PCDHA4: variants seen among roughly 807,000 people sequenced by gnomAD.
The protein encoded by PCDHA4 is protocadherin alpha-4.
Under a neutral mutation model 61.4 loss-of-function variants are expected in PCDHA4, and 49 were observed. The ratio of observed to expected loss-of-function variants is 0.80; its 90% CI spans 0.63 to 1.01. The LOEUF (loss-of-function observed/expected upper bound fraction) is 1.01, where lower values mean the gene tolerates loss of function less well. PCDHA4 is among the 50% of genes least tolerant of loss of function. The pLI, the probability that PCDHA4 is intolerant of heterozygous loss-of-function variation, is 0.00. For synonymous variants in PCDHA4, 590 were observed against 550.3 expected (o/e 1.07, Z -1.01); for missense variants, 1,254 against 1,235.8 (o/e 1.01, Z -0.22).
chr5:140,890,097 C>G (rs1554184163), intron 1 of PCDHA4, among the ~76,000 whole-genome samples: 1 of 152,136 alleles, frequency 6.6e-6, no homozygotes, highest in African/African-American at 2.4e-5. Context: ...AATTTATTCC[C>G]AACTCTGGAT....
At chr5:140,862,364 C>T in intron 1 of PCDHA4, 1 of 339,652 alleles carries the variant, frequency 2.9e-6, no homozygotes, top group Non-Finnish European at 5.8e-6. Flanking sequence ...ACAGACGACC[C>T]GCACCCTGAC....
In PCDHA4 at chr5:140,850,590, T is replaced by G. The variant is rs2150490414; in HGVS notation, c.2385+41018T>G. The G allele has an allele frequency of 2.7e-5, 43 of 1,598,318 alleles. 1 individual carries two copies. The highest frequency in any genetic ancestry group is 3.5e-5 in the Non-Finnish European group (41 of 1,167,854). ...GGTGACGCTGGTGGATGTCAACGTG[T>G]ACCTGATCATCGCCATCTGCGCGGT... On this transcript the variant is annotated intron_variant, in intron 1 of 3. Coordinates refer to ENST00000530339, the MANE Select transcript of PCDHA4 (RefSeq NM_018907.4).
chr5:140,862,757 GC>G (rs1554156930), intron 1 of PCDHA4: 4 of 579,248 alleles, frequency 6.9e-6, no homozygotes, highest in African/African-American at 1.9e-5. Flanking sequence ...GCGGAGAGCG[GC>G]AAGAGGTACG....
chr5:140,841,839 G>A, intron 1 of PCDHA4: 1 of 1,613,898 alleles, frequency 6.2e-7, no homozygotes, highest in Middle Eastern at 1.6e-4. Context: ...TACAGGCTTA[G>A]CTCTCATGAT....
chr5:140,847,731 T>C lies in PCDHA4; in HGVS notation c.2385+38159T>C, dbSNP rs1031856254. ...GTATAAATGCTACAAAAGAGAAAAA[T>C]ATATTTTCTCCCCACGCAACACAAG... On this transcript the variant is annotated intron_variant, in intron 1 of 3. Coordinates refer to ENST00000530339, the MANE Select transcript of PCDHA4 (RefSeq NM_018907.4). 2.7e-5 allele frequency: 4 copies of C among 149,230 alleles called. No homozygotes were observed. The East Asian group carries it at 7.8e-4, about 29-fold the overall frequency. The allele number at this position is 149,230 out of a possible 1,614,324, so 9.2% of individuals were successfully genotyped here. A position where few individuals can be genotyped will look rare whatever the true frequency, so the allele number is the denominator to read the frequency against.
intron 1 of PCDHA4, among the ~76,000 whole-genome samples, chr5:140,936,121 G>C (rs1381895785): frequency 6.6e-6 from 1 of 152,068 alleles, no homozygotes; most frequent in Non-Finnish European, 1.5e-5. Flanking sequence ...TCGAACTCCT[G>C]ACCTTAAGTG....
intron 1 of PCDHA4, among the ~76,000 whole-genome samples, chr5:140,873,904 G>A (rs936002886): frequency 6.6e-6 from 1 of 152,074 alleles, no homozygotes; most frequent in African/African-American, 2.4e-5. Flanking sequence ...CAGGTGATCT[G>A]CCTGCCTCAG....
chr5:140,808,960 G>A lies in PCDHA4; in HGVS notation c.1773G>A (p.Val591=), dbSNP rs1554124917. Residue 591 remains valine (V), a synonymous_variant, in exon 1 of 4, where the codon GTG becomes GTA. Transcript: ENST00000530339. ...VPWSVGVGHV[V]AKVRAVDADS... is the part of the protein sequence containing the mutation. ...GGTCGGTGGGTGTGGGCCACGTGGT[G>A]GCAAAGGTGCGCGCGGTGGATGCTG... 6.2e-7 allele frequency: 1 copy of A among 1,613,474 alleles called. No homozygotes were observed. The highest frequency in any genetic ancestry group is 1.7e-5 in the Admixed American group (1 of 59,968).
intron 1 of PCDHA4, chr5:140,875,950 G>A: frequency 6.2e-7 from 1 of 1,614,166 alleles, no homozygotes; most frequent in South Asian, 1.1e-5. Flanking sequence ...CGCTTCTGAT[G>A]CGGATATCGG....
chr5:140,834,564 C>T (rs2150221113), intron 1 of PCDHA4: 12 of 1,613,972 alleles, frequency 7.4e-6, no homozygotes, highest in African/African-American at 2.7e-5. Flanking sequence ...GGAGCTGGTG[C>T]CGCGCCTGTT....
chr5:140,822,992 T>G, intron 1 of PCDHA4: 1 of 1,614,216 alleles, frequency 6.2e-7, no homozygotes, highest in Non-Finnish European at 8.5e-7. Context: ...TACTACTCGT[T>G]GGTGCTGGAC....
At chr5:140,906,083 A>G (rs1554192390) in intron 1 of PCDHA4, among the ~76,000 whole-genome samples, 1 of 152,146 alleles carries the variant, frequency 6.6e-6, no homozygotes, top group Non-Finnish European at 1.5e-5. Context: ...ACCCACCCAG[A>G]CTGAGAGTAA....
chr5:140,967,976 C>T (rs2096205972), intron 1 of PCDHA4: 3 of 1,614,222 alleles, frequency 1.9e-6, no homozygotes, highest in Non-Finnish European at 2.5e-6. Context: ...GAGCCTGGGT[C>T]TGGAGGCCAC....
chr5:140,843,294 C>T lies in PCDHA4; in HGVS notation c.2385+33722C>T, dbSNP rs2150356676. 4 of 1,595,870 alleles carry T rather than the reference C, an allele frequency of 2.5e-6. No homozygotes were observed. Among genetic ancestry groups the T allele is most frequent in the East Asian group, 4.5e-5 (2 of 44,826 alleles). ...CTGGTGAAGGATCATGGTGAACCTG[C>T]GCTGACCGCCACGGCCACGGTTCTG... On this transcript the variant is annotated intron_variant, in intron 1 of 3. Transcript: ENST00000530339.
At chr5:140,955,065 T>C (rs1258214145) in intron 1 of PCDHA4, among the ~76,000 whole-genome samples, 8 of 152,214 alleles carry the variant, frequency 5.3e-5, no homozygotes, top group Admixed American at 3.3e-4. Context: ...GTCAGGTTTG[T>C]TGAAGATCAG....
At chr5:140,987,292 T>G (rs2097246000) in intron 3 of PCDHA4, among the ~76,000 whole-genome samples, 1 of 152,134 alleles carries the variant, frequency 6.6e-6, no homozygotes, top group African/African-American at 2.4e-5. Context: ...TTAACAAGCC[T>G]TCTATGTGAT....
At chr5:140,841,636 C>T (rs2150319848) in intron 1 of PCDHA4, 1 of 1,614,130 alleles carries the variant, frequency 6.2e-7, no homozygotes. Flanking sequence ...GCAGCATCCA[C>T]CTGGAGGTGA....
chr5:140,995,685 T>C (rs951521178), intron 3 of PCDHA4, among the ~76,000 whole-genome samples: 8 of 152,186 alleles, frequency 5.3e-5, no homozygotes, highest in African/African-American at 1.9e-4. Flanking sequence ...TTTTTTTTAA[T>C]TGTTAAATAA....
At chr5:140,817,411 G>T (rs1366337221) in intron 1 of PCDHA4, 1 of 152,234 alleles carries the variant, frequency 6.6e-6, no homozygotes, top group Admixed American at 6.5e-5. Flanking sequence ...TTGTTGTTGA[G>T]TTGGTATACC....
Sources: allele counts gnomAD v4.1 joint callset (sites outside exome capture counted in the v4.1 genomes callset), GRCh38; gene constraint gnomAD v4.1.1; transcripts MANE v1.5; gene names NCBI Gene and HGNC (gene_info 2026-07-23, HGNC 2026-07-21).